The following PRKCA variants were observed in gnomAD, a reference collection of about 807,000 sequenced individuals.
PRKCA encodes protein kinase C alpha, also known as protein kinase C alpha type.
In PRKCA, 27 loss-of-function variants were observed where a neutral mutation model predicts 87.0. The ratio of observed to expected loss-of-function variants is 0.31; its 90% confidence interval spans 0.23 to 0.43. The LOEUF is 0.43. Among genes scored for constraint, PRKCA ranks in the 20% least tolerant of loss-of-function variants. PRKCA has a pLI of 1.00. For missense variants in PRKCA, 518 were observed against 852.3 expected (o/e 0.61, Z 4.88); for synonymous variants, 329 against 311.1 (o/e 1.06, Z -0.61).
intron 3 of PRKCA, among the ~76,000 whole-genome samples, chr17:66,619,151 C>G (rs1970600898): frequency 6.6e-6 from 1 of 152,140 alleles, no homozygotes; most frequent in Non-Finnish European, 1.5e-5. Context: ...GTTTTGCAAA[C>G]TGGCAGAAGT....
At chr17:66,619,400 T>C (rs1381287554) in intron 3 of PRKCA, among the ~76,000 whole-genome samples, 1 of 152,154 alleles carries the variant, frequency 6.6e-6, no homozygotes, top group East Asian at 1.9e-4. Flanking sequence ...CATTAAGAAC[T>C]TCTAAACATG....
chr17:66,379,252 C>T (rs1909651916), intron 2 of PRKCA, among the ~76,000 whole-genome samples: 1 of 152,112 alleles, frequency 6.6e-6, no homozygotes, highest in Non-Finnish European at 1.5e-5. Flanking sequence ...AAGAAGCGGC[C>T]CCATTTTACA....
At chr17:66,590,036 C>G (rs1334757057) in intron 3 of PRKCA, among the ~76,000 whole-genome samples, 2 of 152,160 alleles carry the variant, frequency 1.3e-5, no homozygotes, top group Non-Finnish European at 2.9e-5. Flanking sequence ...GCCCGCCGCT[C>G]ACCTCCTGCT....
chr17:66,459,880 A>G (rs1381521042), intron 2 of PRKCA, among the ~76,000 whole-genome samples: 1 of 152,030 alleles, frequency 6.6e-6, no homozygotes. Flanking sequence ...GTGGCCTCCC[A>G]GCTGGTGTTT....
chr17:66,525,713 G>C (rs552269154), intron 3 of PRKCA, among the ~76,000 whole-genome samples: 1 of 152,312 alleles, frequency 6.6e-6, no homozygotes, highest in African/African-American at 2.4e-5. Context: ...TTCTTTCCTA[G>C]AAGTGTTGAT....
intron 5 of PRKCA, among the ~76,000 whole-genome samples, chr17:66,686,722 T>C (rs1972637923): frequency 1.3e-5 from 2 of 152,144 alleles, no homozygotes; most frequent in South Asian, 4.1e-4. Context: ...GTCGCTTCCA[T>C]GCAGGGAGGG....
intron 2 of PRKCA, among the ~76,000 whole-genome samples, chr17:66,418,856 A>G (rs1027216475): frequency 2.6e-4 from 39 of 151,316 alleles, no homozygotes; most frequent in African/African-American, 9.5e-4. Context: ...TGTTCACGCC[A>G]TTCTCCTACC....
intron 3 of PRKCA, among the ~76,000 whole-genome samples, chr17:66,606,497 CT>C (rs1970212986): frequency 6.6e-6 from 1 of 152,144 alleles, no homozygotes; most frequent in African/African-American, 2.4e-5. Context: ...AGTAGATAAA[CT>C]GGCAAAATAA....
chr17:66,344,462 G>A (rs563564194), intron 2 of PRKCA, among the ~76,000 whole-genome samples: 1 of 152,238 alleles, frequency 6.6e-6, no homozygotes, highest in South Asian at 2.1e-4. Context: ...TTGAGATCAG[G>A]CTGGCCAACA....
intron 13 of PRKCA, among the ~76,000 whole-genome samples, chr17:66,764,900 T>C (rs1302451156): frequency 6.6e-6 from 1 of 152,184 alleles, no homozygotes; most frequent in Non-Finnish European, 1.5e-5. Flanking sequence ...GAGAGTCTCC[T>C]CATCCATTCC....
chr17:66,451,752 T>G (rs550187896), intron 2 of PRKCA, among the ~76,000 whole-genome samples: 16 of 152,254 alleles, frequency 1.1e-4, no homozygotes, highest in African/African-American at 3.9e-4. Context: ...TAGGTCTGCC[T>G]TCCTGTCCAC....
intron 2 of PRKCA, among the ~76,000 whole-genome samples, chr17:66,467,714 T>A (rs1462479485): frequency 2.0e-5 from 3 of 152,062 alleles, no homozygotes; most frequent in Non-Finnish European, 4.4e-5. Flanking sequence ...CATGCTAGTA[T>A]GCCTAGCTAA....
chr17:66,342,803 A>G (rs1420326708), intron 2 of PRKCA, among the ~76,000 whole-genome samples: 1 of 152,190 alleles, frequency 6.6e-6, no homozygotes, highest in Non-Finnish European at 1.5e-5. Context: ...AAATTTCATT[A>G]ATTTTATTTT....
intron 3 of PRKCA, among the ~76,000 whole-genome samples, chr17:66,503,544 A>G (rs1464295961): frequency 6.6e-6 from 1 of 152,256 alleles, no homozygotes; most frequent in Non-Finnish European, 1.5e-5. Flanking sequence ...CACTGACTGT[A>G]AACATTTAAA....
At chr17:66,652,741 T>C (rs9907367) in intron 5 of PRKCA, among the ~76,000 whole-genome samples, 87,517 of 151,982 alleles carry the variant, frequency 0.58, 25,272 homozygotes, top group Admixed American at 0.6. Context: ...GTTGATCGTA[T>C]TTAAATGTAC....
At chr17:66,469,616 A>T (rs1013810111) in intron 2 of PRKCA, among the ~76,000 whole-genome samples, 5 of 152,240 alleles carry the variant, frequency 3.3e-5, no homozygotes, top group Non-Finnish European at 7.3e-5. Flanking sequence ...TACCTTGTAA[A>T]GGACATTTTA....
chr17:66,404,536 G>A (rs1487315337), intron 2 of PRKCA, among the ~76,000 whole-genome samples: 1 of 152,142 alleles, frequency 6.6e-6, no homozygotes, highest in Non-Finnish European at 1.5e-5. Flanking sequence ...GCCTCAGGAA[G>A]TTAGCAGCAA....
chr17:66,302,644 G>GCGGCTCCGGCTC lies in PRKCA; in HGVS notation c.-206_-195dup, dbSNP rs1457268577. 6.0e-5 allele frequency: 10 copies of GCGGCTCCGGCTC among 167,210 alleles called. No homozygotes were observed. In the East Asian group the frequency reaches 1.6e-3, roughly 26 times the overall value. The allele number at this position is 167,210 out of a possible 1,614,324, so 10.4% of individuals were successfully genotyped here. A position where few individuals can be genotyped will look rare whatever the true frequency, so the allele number is the denominator to read the frequency against. ...GAGCCTGGGGCCAGCGGGCGAGCCA[G>GCGGCTCCGGCTC]CGGCTCCGGCTCCCGCTCCCGCTCC... On this transcript the variant is annotated 5_prime_UTR_variant, in exon 1 of 17. Coordinates refer to ENST00000413366, the MANE Select transcript of PRKCA (RefSeq NM_002737.3).
chr17:66,418,194 G>A (rs1912269987), intron 2 of PRKCA, among the ~76,000 whole-genome samples: 1 of 152,170 alleles, frequency 6.6e-6, no homozygotes, highest in East Asian at 1.9e-4. Context: ...TGTGGATTAA[G>A]CAGATCTAAA....
Sources: allele counts gnomAD v4.1 joint callset (sites outside exome capture counted in the v4.1 genomes callset), GRCh38; gene constraint gnomAD v4.1.1; transcripts MANE v1.5; gene names NCBI Gene and HGNC (gene_info 2026-07-23, HGNC 2026-07-21).